PRKCA: variants seen among roughly 807,000 people sequenced by gnomAD.
The protein encoded by PRKCA is protein kinase C alpha.
PRKCA carries 27 observed loss-of-function variants against 87.0 expected under a neutral mutation model. The observed-to-expected ratio is 0.31, with a 90% CI of 0.23 to 0.43. PRKCA has a LOEUF of 0.43. Ranked by LOEUF, PRKCA falls within the 20% of genes least tolerant of loss-of-function variation. The pLI, the probability that PRKCA is intolerant of heterozygous loss-of-function variation, is 1.00. For synonymous variants in PRKCA, 329 were observed against 311.1 expected (o/e 1.06, Z -0.61); for missense variants, 518 against 852.3 (o/e 0.61, Z 4.88).
intron 2 of PRKCA, among the ~76,000 whole-genome samples, chr17:66,325,677 G>A (rs899188500): frequency 6.6e-6 from 1 of 152,172 alleles, no homozygotes; most frequent in Admixed American, 6.5e-5. Flanking sequence ...TTTGAGAACA[G>A]GGTGTAGAGA....
At chr17:66,694,908 C>T (rs1426644288) in intron 8 of PRKCA, among the ~76,000 whole-genome samples, 1 of 151,836 alleles carries the variant, frequency 6.6e-6, no homozygotes, top group Non-Finnish European at 1.5e-5. Context: ...CTTGTTTATC[C>T]GTCAGTTGAT....
intron 13 of PRKCA, among the ~76,000 whole-genome samples, chr17:66,744,857 C>G (rs1470148821): frequency 7.9e-5 from 12 of 152,176 alleles, no homozygotes; most frequent in Non-Finnish European, 1.5e-4. Flanking sequence ...CATGCCTTTT[C>G]CAACATCAAG....
At chr17:66,737,661 G>A (rs1974067710) in intron 10 of PRKCA, among the ~76,000 whole-genome samples, 2 of 152,170 alleles carry the variant, frequency 1.3e-5, no homozygotes, top group South Asian at 2.1e-4. Context: ...GGAGTCAGGC[G>A]CCGGCCACTA....
chr17:66,395,823 C>A (rs901524503), intron 2 of PRKCA, among the ~76,000 whole-genome samples: 48 of 152,086 alleles, frequency 3.2e-4, no homozygotes, highest in Admixed American at 1.3e-4. Context: ...GAGAGAGATC[C>A]TTATAGTCTT....
At chr17:66,763,179 T>G (rs1356804763) in intron 13 of PRKCA, among the ~76,000 whole-genome samples, 2 of 152,242 alleles carry the variant, frequency 1.3e-5, no homozygotes, top group Non-Finnish European at 2.9e-5. Context: ...AGGTAGGCAG[T>G]GTCTATGGAG....
chr17:66,687,343 A>AC, intron 6 of PRKCA, 76 bp downstream of exon 6: 1 of 1,482,304 alleles, frequency 6.7e-7, no homozygotes, highest in South Asian at 1.3e-5. Context: ...GAGGTAATGA[A>AC]GTAGGTTCAT....
At chr17:66,775,568 T>C (rs1975028190) in intron 14 of PRKCA, 1 of 985,396 alleles carries the variant, frequency 1.0e-6, no homozygotes, top group Non-Finnish European at 1.2e-6. Context: ...CTTTTTATAA[T>C]TCCCAGCACT....
intron 5 of PRKCA, among the ~76,000 whole-genome samples, chr17:66,649,938 A>C (rs899871654): frequency 1.3e-4 from 20 of 152,176 alleles, no homozygotes; most frequent in African/African-American, 4.8e-4. Flanking sequence ...TGAGAGACAG[A>C]GAGGGAAGAG....
At chr17:66,573,561 A>T (rs1335766371) in intron 3 of PRKCA, among the ~76,000 whole-genome samples, 1 of 152,252 alleles carries the variant, frequency 6.6e-6, no homozygotes, top group Non-Finnish European at 1.5e-5. Flanking sequence ...TGCTCATTAC[A>T]GGAAGTTCTA....
At chr17:66,411,420 A>G (rs1158837115) in intron 2 of PRKCA, among the ~76,000 whole-genome samples, 2 of 152,044 alleles carry the variant, frequency 1.3e-5, no homozygotes, top group Non-Finnish European at 2.9e-5. Context: ...AGACACACTT[A>G]GATGTTTTGA....
intron 5 of PRKCA, among the ~76,000 whole-genome samples, chr17:66,647,307 G>A (rs568133500): frequency 9.5e-4 from 145 of 152,312 alleles, no homozygotes; most frequent in African/African-American, 3.4e-3. Flanking sequence ...GGCTAAACAT[G>A]TCCATGCTTT....
chr17:66,422,627 A>G (rs1171225686), intron 2 of PRKCA, among the ~76,000 whole-genome samples: 1 of 152,236 alleles, frequency 6.6e-6, no homozygotes, highest in African/African-American at 2.4e-5. Flanking sequence ...AAGCCAGTCA[A>G]CAGGACCAAC....
intron 5 of PRKCA, among the ~76,000 whole-genome samples, chr17:66,661,627 A>G (rs1971906439): frequency 6.6e-6 from 1 of 152,204 alleles, no homozygotes; most frequent in South Asian, 2.1e-4. Flanking sequence ...AAAAAACTTG[A>G]TTGAGTGACA....
chr17:66,363,084 A>G (rs1908492111), intron 2 of PRKCA, among the ~76,000 whole-genome samples: 1 of 152,222 alleles, frequency 6.6e-6, no homozygotes, highest in Non-Finnish European at 1.5e-5. Flanking sequence ...AGAAAGTTTT[A>G]AAGTGCCCCA....
intron 3 of PRKCA, among the ~76,000 whole-genome samples, chr17:66,546,964 T>C (rs1598757523): frequency 6.6e-6 from 1 of 152,304 alleles, no homozygotes; most frequent in Middle Eastern, 3.4e-3. Context: ...AAAATACTAT[T>C]GCTTTAAGCT....
At chr17:66,431,799 T>C (rs1913112080) in intron 2 of PRKCA, among the ~76,000 whole-genome samples, 1 of 152,194 alleles carries the variant, frequency 6.6e-6, no homozygotes, top group South Asian at 2.1e-4. Flanking sequence ...CTTCCGCACA[T>C]CATTTGCAGC....
At chr17:66,337,848 G>A (rs1205915948) in intron 2 of PRKCA, among the ~76,000 whole-genome samples, 1 of 152,080 alleles carries the variant, frequency 6.6e-6, no homozygotes, top group Non-Finnish European at 1.5e-5. Context: ...TGGAATTCTT[G>A]TAATCTTAAA....
intron 2 of PRKCA, among the ~76,000 whole-genome samples, chr17:66,314,274 G>A (rs754104043): frequency 1.3e-5 from 2 of 152,092 alleles, no homozygotes; most frequent in African/African-American, 2.4e-5. Context: ...AAATTTCCAC[G>A]GCAGACCCTT....
chr17:66,636,733 G>A (rs79843469), intron 3 of PRKCA, among the ~76,000 whole-genome samples: 8,174 of 152,232 alleles, frequency 0.054, 293 homozygotes, highest in Admixed American at 0.078. Flanking sequence ...CCCTAAGCTG[G>A]GTGTCACCCC....
Sources: allele counts gnomAD v4.1 joint callset (sites outside exome capture counted in the v4.1 genomes callset), GRCh38; gene constraint gnomAD v4.1.1; transcripts MANE v1.5; gene names NCBI Gene and HGNC (gene_info 2026-07-23, HGNC 2026-07-21).